The following GHR variants were observed in gnomAD, a reference collection of about 807,000 sequenced individuals.
The protein encoded by GHR is GH receptor.
In GHR, 35 loss-of-function variants were observed where a neutral mutation model predicts 67.1. The ratio of observed to expected loss-of-function variants is 0.52; its 90% CI spans 0.40 to 0.69. The LOEUF is 0.69. GHR is among the 30% of genes least tolerant of loss of function. The pLI is 0.00. For synonymous variants in GHR, 272 were observed against 269.1 expected (o/e 1.01, Z -0.10); for missense variants, 792 against 764.6 (o/e 1.04, Z -0.42).
chr5:42,618,044 A>C (rs1046873464), intron 2 of GHR, among the ~76,000 whole-genome samples: 1 of 152,114 alleles, frequency 6.6e-6, no homozygotes, highest in Non-Finnish European at 1.5e-5. Context: ...ATACCCATAA[A>C]GGATACTTCT....
intron 2 of GHR, among the ~76,000 whole-genome samples, chr5:42,610,210 A>G (rs1025100277): frequency 3.9e-5 from 6 of 152,178 alleles, no homozygotes; most frequent in South Asian, 4.1e-4. Context: ...CTGGATGCCA[A>G]GACTAGCTGT....
chr5:42,464,927 A>C (rs1473866323), intron 1 of GHR, among the ~76,000 whole-genome samples: 1 of 152,220 alleles, frequency 6.6e-6, no homozygotes, highest in Non-Finnish European at 1.5e-5. Context: ...TAAATGGTGC[A>C]CTGGAATATA....
At chr5:42,712,210 G>C (rs1758495147) in intron 7 of GHR, among the ~76,000 whole-genome samples, 1 of 152,044 alleles carries the variant, frequency 6.6e-6, no homozygotes, top group South Asian at 2.1e-4. Flanking sequence ...TATACAGGTA[G>C]AATCTCATGA....
chr5:42,499,425 T>C (rs1364074411), intron 1 of GHR, among the ~76,000 whole-genome samples: 1 of 152,110 alleles, frequency 6.6e-6, no homozygotes, highest in East Asian at 1.9e-4. Flanking sequence ...TGTTGTGATA[T>C]AAGAAGGGAA....
At chr5:42,449,901 T>C (rs1217098390) in intron 1 of GHR, among the ~76,000 whole-genome samples, 2 of 152,198 alleles carry the variant, frequency 1.3e-5, no homozygotes, top group Non-Finnish European at 2.9e-5. Context: ...TGATTTTTGT[T>C]TTTAATTCTG....
chr5:42,468,737 C>T, intron 1 of GHR: 1 of 1,006,682 alleles, frequency 9.9e-7, no homozygotes, highest in Non-Finnish European at 1.6e-6. Flanking sequence ...GAGACGCCGC[C>T]CCCGCCAGCT....
At chr5:42,600,749 A>C (rs1752332123) in intron 2 of GHR, among the ~76,000 whole-genome samples, 1 of 152,166 alleles carries the variant, frequency 6.6e-6, no homozygotes, top group African/African-American at 2.4e-5. Flanking sequence ...ATTCAGAATC[A>C]AGCAAGTCCT....
At chr5:42,431,374 A>G (rs1328394927) in intron 1 of GHR, among the ~76,000 whole-genome samples, 1 of 152,142 alleles carries the variant, frequency 6.6e-6, no homozygotes, top group East Asian at 1.9e-4. Context: ...AGAAGGATGG[A>G]AAAGTCATTG....
intron 2 of GHR, among the ~76,000 whole-genome samples, chr5:42,597,341 T>A (rs1752124650): frequency 6.6e-6 from 1 of 152,220 alleles, no homozygotes; most frequent in Non-Finnish European, 1.5e-5. Context: ...TTTATCACAT[T>A]TGTTTTTAAT....
At position 42,504,746 on chromosome 5, in the gene GHR, A is replaced by G. The variant is rs1323334667; in HGVS notation, c.-11-61118A>G. ...TGCACTCCAGCCTGAGAACGGAGCG[A>G]GATTCCGTCTCAAAATAAAATAAAA... On this transcript the variant is annotated intron_variant, in intron 1 of 9. Coordinates refer to ENST00000230882, the MANE Select transcript of GHR (RefSeq NM_000163.5). Among the ~76,000 whole-genome samples, 5 of 152,224 alleles carry G rather than the reference A, an allele frequency of 3.3e-5. No individual in the cohort carries two copies. In the East Asian group the frequency reaches 9.7e-4, roughly 29 times the overall value.
chr5:42,694,205 T>C (rs7712778), intron 4 of GHR, among the ~76,000 whole-genome samples: 5,275 of 152,306 alleles, frequency 0.035, 118 homozygotes, highest in Middle Eastern at 0.061. Context: ...CTTTGTAATA[T>C]GGTTTTTTAC....
intron 1 of GHR, among the ~76,000 whole-genome samples, chr5:42,483,035 C>G (rs1344030209): frequency 6.6e-6 from 1 of 152,166 alleles, no homozygotes; most frequent in East Asian, 1.9e-4. Flanking sequence ...TCCCCCAGAT[C>G]ACACACTTGT....
At chr5:42,626,541 G>T (rs144165038) in intron 2 of GHR, among the ~76,000 whole-genome samples, 110 of 152,234 alleles carry the variant, frequency 7.2e-4, no homozygotes, top group African/African-American at 2.6e-3. Flanking sequence ...ATTGGCCACT[G>T]GTGATCAAAT....
chr5:42,663,953 A>G (rs1308067637), intron 3 of GHR, among the ~76,000 whole-genome samples: 1 of 152,226 alleles, frequency 6.6e-6, no homozygotes, highest in East Asian at 1.9e-4. Flanking sequence ...CACCAATAAC[A>G]GACAAACAGA....
rs183521630 is a variant in GHR, at chr5:42,546,636, G to A, written c.-11-19228G>A. 4.6e-4 allele frequency among the ~76,000 whole-genome samples: 70 copies of A among 152,306 alleles called. 2 individuals carry two copies. In the East Asian group the frequency reaches 0.011, roughly 24 times the overall value. On this transcript the variant is annotated intron_variant, in intron 1 of 9. Coordinates refer to ENST00000230882, the MANE Select transcript of GHR (RefSeq NM_000163.5). Reference sequence around the variant, plus strand: ...TAGTTAGTCCAAGTCATGGATTGTGGTATTAATTCCATGTGCTAGGAAGGT... The same window carrying A: ...TAGTTAGTCCAAGTCATGGATTGTGATATTAATTCCATGTGCTAGGAAGGT...
chr5:42,536,983 T>C (rs1469556083), intron 1 of GHR, among the ~76,000 whole-genome samples: 1 of 152,156 alleles, frequency 6.6e-6, no homozygotes, highest in Non-Finnish European at 1.5e-5. Context: ...TGATCTTTTA[T>C]ATTTCAGTGG....
At chr5:42,686,261 G>T (rs528299119) in intron 3 of GHR, among the ~76,000 whole-genome samples, 1 of 152,220 alleles carries the variant, frequency 6.6e-6, no homozygotes, top group East Asian at 1.9e-4. Context: ...TGGATGTGTG[G>T]TGTTATTTCT....
intron 1 of GHR, among the ~76,000 whole-genome samples, chr5:42,481,043 G>A (rs1441781237): frequency 6.6e-6 from 1 of 152,070 alleles, no homozygotes; most frequent in Non-Finnish European, 1.5e-5. Context: ...TCCTTTCCAT[G>A]TTTAGTGCTT....
intron 6 of GHR, among the ~76,000 whole-genome samples, chr5:42,707,028 T>C (rs373907772): frequency 1.1e-3 from 168 of 152,114 alleles, no homozygotes; most frequent in Middle Eastern, 0.01. Flanking sequence ...GCATGGAATG[T>C]TTTTCCATTT....
Sources: gnomAD v4.1 joint callset for allele counts (sites outside exome capture counted in the v4.1 genomes callset) on GRCh38, gnomAD v4.1.1 for gene constraint, MANE v1.5 for transcripts, NCBI Gene and HGNC (gene_info 2026-07-23, HGNC 2026-07-21) for gene names.